The following ASIC2 variants were observed in gnomAD, a reference collection of about 807,000 sequenced individuals.
ASIC2 encodes the protein acid sensing ion channel subunit 2.
ASIC2 carries 25 observed loss-of-function variants against 57.3 expected under a neutral mutation model. The ratio of observed to expected loss-of-function variants is 0.44; its 90% CI spans 0.32 to 0.61. The LOEUF is 0.61. ASIC2 is among the 20% of genes least tolerant of loss of function. The pLI is 0.06. For synonymous variants in ASIC2, 319 were observed against 307.5 expected (o/e 1.04, Z -0.39); for missense variants, 641 against 738.1 (o/e 0.87, Z 1.52).
intron 1 of ASIC2, among the ~76,000 whole-genome samples, chr17:33,342,967 C>T (rs1907789041): frequency 6.6e-6 from 1 of 152,180 alleles, no homozygotes; most frequent in South Asian, 2.1e-4. Context: ...CATGCACATC[C>T]AAGGGGCATA....
Position 33,878,263 on chromosome 17 carries a change from A to C in ASIC2, c.555+277715T>G, listed in dbSNP as rs552439333. On this transcript the variant is annotated intron_variant, in intron 1 of 9. Coordinates refer to the ASIC2 transcript ENST00000359872. ...ACAGAACAAAGCTGGATGGAGAATG[A>C]CTTTGACAAGTTGAGAGAAGAAGGC... 5.4e-4 allele frequency among the ~76,000 whole-genome samples: 83 copies of C among 152,354 alleles called. 1 individual carries two copies. The highest frequency in any genetic ancestry group is 1.9e-3 in the African/African-American group (81 of 41,586).
intron 1 of ASIC2, among the ~76,000 whole-genome samples, chr17:33,800,753 A>G (rs181056869): frequency 6.6e-6 from 1 of 152,336 alleles, no homozygotes; most frequent in Admixed American, 6.5e-5. Flanking sequence ...TGATAGCAAT[A>G]GATGACCTCA....
intron 1 of ASIC2, among the ~76,000 whole-genome samples, chr17:33,943,372 A>C (rs192102964): frequency 5.9e-5 from 9 of 152,348 alleles, no homozygotes; most frequent in African/African-American, 2.2e-4. Flanking sequence ...AGAGAGACAC[A>C]AAATGGGAGA....
chr17:33,589,448 C>T (rs1282375807), intron 1 of ASIC2, among the ~76,000 whole-genome samples: 1 of 152,190 alleles, frequency 6.6e-6, no homozygotes, highest in Non-Finnish European at 1.5e-5. Flanking sequence ...ATACAACCAT[C>T]ACCACCATCC....
At chr17:33,354,644 T>C (rs991703624) in intron 1 of ASIC2, among the ~76,000 whole-genome samples, 1 of 151,940 alleles carries the variant, frequency 6.6e-6, no homozygotes, top group African/African-American at 2.4e-5. Context: ...GCTCTTCCTC[T>C]ACTGGGAACA....
chr17:34,146,937 G>C (rs967441294), intron 1 of ASIC2: 3 of 152,188 alleles, frequency 2.0e-5, no homozygotes, highest in Admixed American at 6.5e-5. Context: ...ACAGGATTTT[G>C]AGAGCAAGAT....
At chr17:33,749,804 C>T (rs1487155900) in intron 1 of ASIC2, among the ~76,000 whole-genome samples, 1 of 152,118 alleles carries the variant, frequency 6.6e-6, no homozygotes, top group East Asian at 1.9e-4. Context: ...CTAAGTCCGT[C>T]CAAAGCCAGT....
intron 1 of ASIC2, among the ~76,000 whole-genome samples, chr17:33,620,519 G>C (rs1297826446): frequency 6.6e-6 from 1 of 152,204 alleles, no homozygotes; most frequent in Non-Finnish European, 1.5e-5. Context: ...TGAAGCTGGT[G>C]AAGTTTCCAG....
intron 1 of ASIC2, chr17:33,529,741 T>G (rs1914992509): frequency 6.6e-6 from 1 of 152,262 alleles, no homozygotes; most frequent in Non-Finnish European, 1.5e-5. Context: ...CACTTCTCAA[T>G]AGACACACGT....
chr17:33,116,292 C>T (rs1044271930), intron 1 of ASIC2, among the ~76,000 whole-genome samples: 4 of 152,206 alleles, frequency 2.6e-5, no homozygotes, highest in African/African-American at 4.8e-5. Flanking sequence ...TTACACACAG[C>T]GCAATTTTGC....
At chr17:33,068,261 T>G (rs1229330590) in intron 3 of ASIC2, among the ~76,000 whole-genome samples, 1 of 152,168 alleles carries the variant, frequency 6.6e-6, no homozygotes, top group Non-Finnish European at 1.5e-5. Flanking sequence ...CAAGCCAGGA[T>G]GGTTGGTCAC....
chr17:33,983,663 G>A (rs566456677), intron 1 of ASIC2, among the ~76,000 whole-genome samples: 16 of 152,150 alleles, frequency 1.1e-4, no homozygotes, highest in Non-Finnish European at 2.1e-4. Context: ...GAGCCACCCT[G>A]GTGCATTTTG....
Position 33,988,708 on chromosome 17 carries a change from C to G in ASIC2, c.555+167270G>C, listed in dbSNP as rs188811688. 1.6e-3 allele frequency among the ~76,000 whole-genome samples: 238 copies of G among 151,980 alleles called. 1 individual carries two copies. Among genetic ancestry groups the G allele is most frequent in the African/African-American group, 5.6e-3 (231 of 41,448 alleles). On this transcript the variant is annotated intron_variant, in intron 1 of 9. Transcript: ENST00000359872. ...GTTTTTGCCTCTAATCTAATGACCTCTTCCTAGTGTTCTCCTCACAGGCCT... is the reference window on the plus strand; with the variant it reads ...GTTTTTGCCTCTAATCTAATGACCTGTTCCTAGTGTTCTCCTCACAGGCCT...
intron 1 of ASIC2, among the ~76,000 whole-genome samples, chr17:34,141,585 C>T (rs1382172174): frequency 3.3e-5 from 5 of 152,168 alleles, no homozygotes; most frequent in South Asian, 2.1e-4. Flanking sequence ...CCACTTCTCT[C>T]GAGCCTAGCA....
At chr17:33,649,228 A>G (rs1200344615) in intron 1 of ASIC2, among the ~76,000 whole-genome samples, 1 of 152,274 alleles carries the variant, frequency 6.6e-6, no homozygotes, top group African/African-American at 2.4e-5. Context: ...GACAAGATCA[A>G]TATACAAAAA....
At chr17:33,697,022 A>G (rs9915433) in intron 1 of ASIC2, among the ~76,000 whole-genome samples, 52,358 of 151,864 alleles carry the variant, frequency 0.34, 10,536 homozygotes, top group African/African-American at 0.57. Flanking sequence ...CTGTCCTCAC[A>G]ATAGTGAGTT....
intron 1 of ASIC2, among the ~76,000 whole-genome samples, chr17:33,747,743 C>G (rs2142102166): frequency 6.6e-6 from 1 of 152,320 alleles, no homozygotes; most frequent in East Asian, 1.9e-4. Flanking sequence ...TCCAAGGCTA[C>G]AGGCCAAGAC....
At chr17:33,559,811 T>G (rs1475172256) in intron 1 of ASIC2, among the ~76,000 whole-genome samples, 1 of 152,148 alleles carries the variant, frequency 6.6e-6, no homozygotes, top group Non-Finnish European at 1.5e-5. Flanking sequence ...GTGTAGTACC[T>G]GCCTTATGAT....
Position 33,013,669 on chromosome 17 carries a change from A to G in ASIC2, c.*296T>C. ...CAGACGTGGAGGTGGCGCCACAAGA[A>G]GTCTGAGCATGCAGGTGCTTTATAC... is the stretch of plus-strand genomic sequence containing the variant. On this transcript the variant is annotated 3_prime_UTR_variant, in exon 10 of 10. Coordinates refer to ENST00000225823, the MANE Select transcript of ASIC2 (RefSeq NM_183377.2). The G allele has an allele frequency of 4.9e-6, 2 of 410,880 alleles. No individual in the cohort carries two copies. The highest frequency in any genetic ancestry group is 3.3e-5 in the South Asian group (1 of 30,108). The allele number at this position is 410,880 out of a possible 1,614,324, so 25.5% of individuals were successfully genotyped here. A position where few individuals can be genotyped will look rare whatever the true frequency, so the allele number is the denominator to read the frequency against.
Sources: gnomAD v4.1 joint callset for allele counts (sites outside exome capture counted in the v4.1 genomes callset) on GRCh38, gnomAD v4.1.1 for gene constraint, MANE v1.5 for transcripts, NCBI Gene and HGNC (gene_info 2026-07-23, HGNC 2026-07-21) for gene names.